Variants in TENM3 observed in about 807,000 individuals in gnomAD.
TENM3 encodes teneurin transmembrane protein 3.
In TENM3, 63 loss-of-function variants were observed where a neutral mutation model predicts 255.1. That is an observed-to-expected ratio of 0.25 (90% confidence interval 0.20 to 0.30). The LOEUF is 0.30. Ranked by LOEUF, TENM3 falls within the 10% of genes least tolerant of loss-of-function variation. TENM3 has a pLI of 1.00. For missense variants in TENM3, 2,929 were observed against 3,461.1 expected (o/e 0.85, Z 3.86); for synonymous variants, 1,306 against 1,322.3 (o/e 0.99, Z 0.27).
intron 1 of TENM3, among the ~76,000 whole-genome samples, chr4:182,263,941 A>T (rs1388953499): frequency 6.6e-6 from 1 of 152,190 alleles, no homozygotes; most frequent in Admixed American, 6.5e-5. Flanking sequence ...CGAAAAAAAA[A>T]TAATTTTCCT....
At chr4:181,778,536 T>C in the TENM3 span, among the ~76,000 whole-genome samples, 1 of 152,298 alleles carries the variant, frequency 6.6e-6, no homozygotes, top group Non-Finnish European at 1.5e-5. Context: ...CGTGTTTCCC[T>C]GGCATGACTC....
At chr4:181,791,661 G>T in the TENM3 span, among the ~76,000 whole-genome samples, 9 of 152,144 alleles carry the variant, frequency 5.9e-5, no homozygotes, top group Non-Finnish European at 1.2e-4. Context: ...TAAGGAACTG[G>T]TTACCATCAG....
At position 182,802,136 on chromosome 4, in the gene TENM3, G is replaced by A. The variant is rs191465008; in HGVS notation, c.*1785G>A. 1.8e-4 allele frequency: 28 copies of A among 152,730 alleles called. No homozygotes were observed. Among genetic ancestry groups the A allele is most frequent in the Admixed American group, 2.0e-4 (3 of 15,298 alleles). The allele number at this position is 152,730 out of a possible 1,614,324, so 9.5% of individuals were successfully genotyped here. Reference sequence around the variant, plus strand: ...GGCGTGTTTATTAAACAGATGATTGGCTGGGAAAGTTTCAAAATAGCTACT... The same window carrying A: ...GGCGTGTTTATTAAACAGATGATTGACTGGGAAAGTTTCAAAATAGCTACT... On this transcript the variant is annotated 3_prime_UTR_variant, in exon 28 of 28. Coordinates refer to ENST00000511685, the MANE Select transcript of TENM3 (RefSeq NM_001080477.4).
At chr4:181,489,728 C>A in the TENM3 span, among the ~76,000 whole-genome samples, 1 of 152,098 alleles carries the variant, frequency 6.6e-6, no homozygotes, top group Non-Finnish European at 1.5e-5. Context: ...CTTTAAATAA[C>A]TAATTTCACT....
chr4:182,025,879 G>T, the TENM3 span, among the ~76,000 whole-genome samples: 1 of 152,000 alleles, frequency 6.6e-6, no homozygotes, highest in South Asian at 2.1e-4. Flanking sequence ...ACAATGTGCA[G>T]GTTTGTTACA....
chr4:181,845,039 CA>C, the TENM3 span, among the ~76,000 whole-genome samples: 1 of 152,166 alleles, frequency 6.6e-6, no homozygotes, highest in East Asian at 1.9e-4. Flanking sequence ...ATTTGTTATT[CA>C]TGCAATGTGA....
intron 18 of TENM3, among the ~76,000 whole-genome samples, chr4:182,739,470 C>A (rs946328059): frequency 6.6e-6 from 1 of 152,146 alleles, no homozygotes; most frequent in Non-Finnish European, 1.5e-5. Context: ...TACTAGTACT[C>A]TACTTTTACT....
At chr4:181,609,036 T>C in the TENM3 span, among the ~76,000 whole-genome samples, 17 of 152,204 alleles carry the variant, frequency 1.1e-4, no homozygotes, top group East Asian at 2.1e-3. Flanking sequence ...GAGTACTCAC[T>C]CTTCATTCCT....
At chr4:182,547,648 CA>C (rs1741576149) in intron 3 of TENM3, among the ~76,000 whole-genome samples, 1 of 152,090 alleles carries the variant, frequency 6.6e-6, no homozygotes, top group African/African-American at 2.4e-5. Context: ...CAGTTCTATC[CA>C]ATGCTCACTC....
chr4:182,608,420 A>G (rs1157769604), intron 4 of TENM3, among the ~76,000 whole-genome samples: 3 of 152,088 alleles, frequency 2.0e-5, no homozygotes, highest in Non-Finnish European at 2.9e-5. Context: ...TGGTGCCCAG[A>G]TAATTTCTTA....
At chr4:181,885,258 G>A in the TENM3 span, among the ~76,000 whole-genome samples, 7 of 152,158 alleles carry the variant, frequency 4.6e-5, no homozygotes, top group Non-Finnish European at 1.0e-4. Context: ...ACTTTAAAGA[G>A]ATTCAAGTTT....
At chr4:181,863,813 G>C in the TENM3 span, among the ~76,000 whole-genome samples, 1 of 152,060 alleles carries the variant, frequency 6.6e-6, no homozygotes, top group Non-Finnish European at 1.5e-5. Context: ...AAGCGAAAAA[G>C]ACCCCATAGT....
At position 182,789,744 on chromosome 4, in the gene TENM3, A is replaced by G. The variant is rs1297736268; in HGVS notation, c.5601+355A>G. Among the ~76,000 whole-genome samples, 2 of 152,230 alleles carry G rather than the reference A, an allele frequency of 1.3e-5. No individual in the cohort carries two copies. Among genetic ancestry groups the G allele is most frequent in the Non-Finnish European group, 2.9e-5 (2 of 68,044 alleles). ...TTTCGTGCTAGCTCTTCCATTTAAG[A>G]GAGAGCCTTACATTAGCACAGTTAA... is the stretch of plus-strand genomic sequence containing the variant. On this transcript the variant is annotated intron_variant, in intron 25 of 27. Coordinates refer to ENST00000511685, the MANE Select transcript of TENM3 (RefSeq NM_001080477.4). This position sits in a 1 kb window ranked among gnomAD's most constrained non-coding sequence, Gnocchi z 4.4.
At chr4:181,573,318 C>A in the TENM3 span, among the ~76,000 whole-genome samples, 2 of 152,144 alleles carry the variant, frequency 1.3e-5, no homozygotes, top group Admixed American at 6.6e-5. Context: ...AACCTCCATA[C>A]TATTCTCCAT....
At chr4:181,604,522 A>C in the TENM3 span, among the ~76,000 whole-genome samples, 4 of 152,014 alleles carry the variant, frequency 2.6e-5, no homozygotes, top group Non-Finnish European at 4.4e-5. Context: ...CAAGCCTCAA[A>C]TGGGATGGCT....
chr4:182,076,630 AT>A, the TENM3 span, among the ~76,000 whole-genome samples: 1 of 152,166 alleles, frequency 6.6e-6, no homozygotes, highest in Non-Finnish European at 1.5e-5. Flanking sequence ...AGCTTCTGAC[AT>A]GTCTCTTCTA....
chr4:182,692,951 A>AT (rs1195651985), intron 12 of TENM3, among the ~76,000 whole-genome samples: 2 of 151,702 alleles, frequency 1.3e-5, no homozygotes, highest in Admixed American at 6.6e-5. Context: ...CAGTTCTAGG[A>AT]TTTTTTCGCT....
chr4:182,095,824 A>G, the TENM3 span, among the ~76,000 whole-genome samples: 1 of 152,204 alleles, frequency 6.6e-6, no homozygotes, highest in African/African-American at 2.4e-5. Context: ...AAAATTTCAC[A>G]TGTATCCTAT....
intron 3 of TENM3, among the ~76,000 whole-genome samples, chr4:182,377,319 A>G (rs1316291859): frequency 6.6e-6 from 1 of 151,928 alleles, no homozygotes; most frequent in African/African-American, 2.4e-5. Context: ...TTATTCATTT[A>G]TTTATTTATT....
Sources: allele counts gnomAD v4.1 joint callset (sites outside exome capture counted in the v4.1 genomes callset), GRCh38; gene constraint gnomAD v4.1.1; non-coding constraint Gnocchi (gnomAD v3.1); transcripts MANE v1.5; gene names NCBI Gene and HGNC (gene_info 2026-07-23, HGNC 2026-07-21).